Variants in EPHA10 observed in about 807,000 individuals in gnomAD.
EPHA10 encodes the protein ephrin type-A receptor 10.
A neutral mutation model predicts 109.7 loss-of-function variants in EPHA10; 120 were observed. That is an observed-to-expected ratio of 1.09 (90% confidence interval 0.94 to 1.27). The LOEUF is 1.27. Ranked by LOEUF, EPHA10 falls within the 50% of genes most tolerant of loss-of-function variation. The pLI is 0.00. For missense variants in EPHA10, 1,396 were observed against 1,411.1 expected, an observed-to-expected ratio of 0.99 and a Z score of 0.17; for synonymous variants, 640 against 618.9, an observed-to-expected ratio of 1.03 and a Z score of -0.51.
Position 37,719,511 on chromosome 1 carries a change from G to A in EPHA10, c.2659C>T (p.Pro887Ser). 6.2e-7 allele frequency: 1 copy of A among 1,614,028 alleles called. No homozygotes were observed. Among genetic ancestry groups the A allele is most frequent in the Non-Finnish European group, 8.5e-7 (1 of 1,180,024 alleles). The change falls in exon 15 of 17, where the codon CCA becomes TCA. Residue 887 changes from proline to serine, a missense_variant. Pro to Ser is a moderately conservative substitution (Grantham distance 74). Transcript: ENST00000373048. The part of the protein sequence containing the change: ...RLMLDCWQKD[P>S]GERPRFSQIH... ...TGGGAGAACCTGGGCCGCTCACCTG[G>A]GTCCTTCTGCCAGCAGTCGAGCATT... is the stretch of plus-strand genomic sequence containing the variant.
At chr1:37,762,286 C>T (rs777725117) in intron 2 of EPHA10, among the ~76,000 whole-genome samples, 1 of 152,192 alleles carries the variant, frequency 6.6e-6, no homozygotes, top group African/African-American at 2.4e-5. Flanking sequence ...AGAGGGAGAG[C>T]GATCTGACCA....
At chr1:37,737,321 ACACT>A (rs1342957485) in intron 5 of EPHA10, among the ~76,000 whole-genome samples, 2 of 152,158 alleles carry the variant, frequency 1.3e-5, no homozygotes, top group East Asian at 3.9e-4. Context: ...ACACACACAC[ACACT>A]CACACACAAA....
At chr1:37,763,472 C>A (rs984965407) in intron 1 of EPHA10, among the ~76,000 whole-genome samples, 3 of 152,040 alleles carry the variant, frequency 2.0e-5, no homozygotes. Flanking sequence ...ATGCAAAGTC[C>A]TTTTTGTCAA....
Position 37,718,320 on chromosome 1 carries a change from G to C in EPHA10, c.*52C>G. 1 of 1,472,656 alleles carries C rather than the reference G, an allele frequency of 6.8e-7. No individual in the cohort carries two copies. Among genetic ancestry groups the C allele is most frequent in the Non-Finnish European group, 9.3e-7 (1 of 1,075,432 alleles). 91.2% of individuals were successfully genotyped at this position (1,472,656 alleles called of 1,614,324 possible). On this transcript the variant is annotated 3_prime_UTR_variant, in exon 17 of 17. Coordinates refer to ENST00000373048, the MANE Select transcript of EPHA10 (RefSeq NM_001099439.2). Reference sequence around the variant, plus strand: ...CAGCTTGCCACGGTCCTTGGGCAGGGCTGGGGGACTGGACCCCCACCGGAG... The same window carrying C: ...CAGCTTGCCACGGTCCTTGGGCAGGCCTGGGGGACTGGACCCCCACCGGAG...
At chr1:37,732,423 C>T (rs1311514034) in intron 6 of EPHA10, among the ~76,000 whole-genome samples, 1 of 152,158 alleles carries the variant, frequency 6.6e-6, no homozygotes, top group Non-Finnish European at 1.5e-5. Flanking sequence ...TTATTAGAGG[C>T]CCTGCCATAT....
At chr1:37,735,039 G>A (rs141325567) in intron 6 of EPHA10, among the ~76,000 whole-genome samples, 70 of 152,292 alleles carry the variant, frequency 4.6e-4, no homozygotes, top group African/African-American at 1.3e-3. Flanking sequence ...TGGGGACAAT[G>A]GAGATGGTTG....
chr1:37,719,086 A>G (rs1645741677), intron 15 of EPHA10: 1 of 594,450 alleles, frequency 1.7e-6, no homozygotes, highest in African/African-American at 1.9e-5. Context: ...CTGGTTGGTG[A>G]CTCATATTGG....
chr1:37,734,733 G>C (rs1205571700), intron 6 of EPHA10: 1 of 426,244 alleles, frequency 2.3e-6, no homozygotes, highest in African/African-American at 2.1e-5. Context: ...CAAGAGTTCT[G>C]AACATATTTT....
At position 37,735,328 on chromosome 1, in the gene EPHA10, A is replaced by C; in HGVS notation, c.1420T>G (p.Trp474Gly). The C allele has an allele frequency of 6.4e-7, 1 of 1,572,628 alleles. No individual in the cohort carries two copies. The highest frequency in any genetic ancestry group is 8.6e-7 in the Non-Finnish European group (1 of 1,158,932). The change falls in exon 6 of 17, where the codon TGG (tryptophan) becomes GGG (glycine). Residue 474 changes from tryptophan (W) to glycine (G), a missense_variant. By Grantham distance (184) the Trp-to-Gly change is radical (BLOSUM62 -2). Transcript: ENST00000373048. ...RVEPQSVSLS[W>G]REPIPAGAPG... is the part of the protein sequence containing the mutation. ...GCTCCGGCAGGGATGGGCTCCCGCC[A>C]CGACAGGGACACGCTCTGGGGTTCC...
In EPHA10 at chr1:37,753,221, G is replaced by T. The variant is rs1357329420; in HGVS notation, c.1012C>A (p.Pro338Thr). Residue 338 changes from proline (P) to threonine (T), a missense_variant, in exon 5 of 17, where the codon CCG (proline) becomes ACG (threonine). Transcript: ENST00000373048. ...DPPSASCTRP[P>T]SAPRDLQYSL... Reference sequence around the variant, plus strand: ...TACTGCAGGTCCCGCGGCGCCGACGGCGGCCCTGAGGCGGCACAGGGGCGG... The same window carrying T: ...TACTGCAGGTCCCGCGGCGCCGACGTCGGCCCTGAGGCGGCACAGGGGCGG... 4 of 1,325,418 alleles carry T rather than the reference G, an allele frequency of 3.0e-6. No individual in the cohort carries two copies. In the African/African-American group the frequency reaches 6.2e-5, roughly 20 times the overall value. 82.1% of individuals were successfully genotyped at this position (1,325,418 alleles called of 1,614,324 possible).
intron 6 of EPHA10, among the ~76,000 whole-genome samples, chr1:37,732,863 CT>C (rs56226051): frequency 9.2e-4 from 23 of 25,036 alleles, no homozygotes; most frequent in Non-Finnish European, 1.5e-3. Context: ...TATACTTGTT[CT>C]TTTTTTTTTT....
chr1:37,741,659 A>G (rs1297675326), intron 5 of EPHA10, among the ~76,000 whole-genome samples: 1 of 152,102 alleles, frequency 6.6e-6, no homozygotes, highest in Non-Finnish European at 1.5e-5. Flanking sequence ...TGCAATTGTA[A>G]TGAACCCCTA....
At chr1:37,719,797 G>A in intron 14 of EPHA10, 112 bp downstream of exon 14, 4 of 1,560,690 alleles carry the variant, frequency 2.6e-6, no homozygotes, top group Non-Finnish European at 2.6e-6. Context: ...CAAGCAGACA[G>A]AGAAGAGGGG....
At chr1:37,722,135 A>C in intron 10 of EPHA10, 1 of 294,550 alleles carries the variant, frequency 3.4e-6, no homozygotes. Context: ...GGTCTCAAAA[A>C]AAAAAGTGAC....
intron 8 of EPHA10, among the ~76,000 whole-genome samples, chr1:37,724,967 G>A (rs1414971551): frequency 6.6e-6 from 1 of 152,156 alleles, no homozygotes; most frequent in African/African-American, 2.4e-5. Context: ...GAGTAATAGT[G>A]GGCTCCCAAG....
At chr1:37,745,742 T>C (rs1394228790) in intron 5 of EPHA10, among the ~76,000 whole-genome samples, 1 of 152,134 alleles carries the variant, frequency 6.6e-6, no homozygotes, top group African/African-American at 2.4e-5. Flanking sequence ...CCCAGCTACT[T>C]GGCAAGCTGA....
At chr1:37,728,306 T>C (rs1436121063) in intron 7 of EPHA10, among the ~76,000 whole-genome samples, 1 of 152,086 alleles carries the variant, frequency 6.6e-6, no homozygotes, top group Non-Finnish European at 1.5e-5. Flanking sequence ...CTAAGGAGTA[T>C]AAACTTTCTC....
chr1:37,758,117 C>T (rs1569767000), intron 3 of EPHA10, among the ~76,000 whole-genome samples: 1 of 152,178 alleles, frequency 6.6e-6, no homozygotes, highest in African/African-American at 2.4e-5. Context: ...AATAAGGGCA[C>T]AAACTATAGA....
chr1:37,753,207 C>T lies in EPHA10; in HGVS notation c.1026G>A (p.Arg342=). The stretch of plus-strand genomic sequence containing the variant: ...AGCGGCTCAGGCTGTACTGCAGGTC[C>T]CGCGGCGCCGACGGCGGCCCTGAGG... The part of the protein sequence containing the change: ...ASCTRPPSAP[R]DLQYSLSRSP... Residue 342 remains arginine, a synonymous_variant, in exon 5 of 17, where the codon CGG becomes CGA. Coordinates refer to ENST00000373048, the MANE Select transcript of EPHA10 (RefSeq NM_001099439.2). 1 of 1,338,792 alleles carries T rather than the reference C, an allele frequency of 7.5e-7. No homozygotes were observed. The highest frequency in any genetic ancestry group is 9.5e-7 in the Non-Finnish European group (1 of 1,049,010). The allele number at this position is 1,338,792 out of a possible 1,614,324, so 82.9% of individuals were successfully genotyped here.
Sources: gnomAD v4.1 joint callset for allele counts (sites outside exome capture counted in the v4.1 genomes callset) on GRCh38, gnomAD v4.1.1 for gene constraint, MANE v1.5 for transcripts, NCBI Gene and HGNC (gene_info 2026-07-23, HGNC 2026-07-21) for gene names.